The following EYS variants were observed in gnomAD, a reference collection of about 807,000 sequenced individuals.
EYS encodes the protein protein eyes shut homolog.
EYS carries 250 observed loss-of-function variants against 282.1 expected under a neutral mutation model. That is an observed-to-expected ratio of 0.89 (90% CI 0.80 to 0.98). The LOEUF (loss-of-function observed/expected upper bound fraction) is 0.98. Ranked by LOEUF, EYS falls within the 50% of genes least tolerant of loss-of-function variation. The pLI is 0.00. For synonymous variants in EYS, 1,355 were observed against 1,282.9 expected, an observed-to-expected ratio of 1.06 and a Z score of -1.20; for missense variants, 4,016 against 3,709.0, an observed-to-expected ratio of 1.08 and a Z score of -2.15.
intron 12 of EYS, among the ~76,000 whole-genome samples, chr6:65,177,019 C>A (rs747189345): frequency 7.9e-5 from 12 of 151,556 alleles, no homozygotes; most frequent in Non-Finnish European, 1.6e-4. Context: ...TAAGTGTTTT[C>A]CAAATCATTA....
intron 35 of EYS, among the ~76,000 whole-genome samples, chr6:63,972,602 A>G (rs1035817440): frequency 6.6e-6 from 1 of 152,176 alleles, no homozygotes; most frequent in Non-Finnish European, 1.5e-5. Context: ...CAGGTTTGTT[A>G]CATAGGTATA....
chr6:64,327,803 T>A (rs1770487006), intron 29 of EYS, among the ~76,000 whole-genome samples: 1 of 152,090 alleles, frequency 6.6e-6, no homozygotes, highest in Non-Finnish European at 1.5e-5. Context: ...TATGCACCAA[T>A]TTATCCATCC....
rs1219893676 is a variant in EYS at position 63,720,543 on chromosome 6, T to G, written c.*53A>C. 3.1e-6 allele frequency: 4 copies of G among 1,297,728 alleles called. No individual in the cohort carries two copies. Among genetic ancestry groups the G allele is most frequent in the African/African-American group, 3.0e-5 (2 of 66,470 alleles). 80.4% of individuals were successfully genotyped at this position (1,297,728 alleles called of 1,614,324 possible). A position where few individuals can be genotyped will look rare whatever the true frequency, so the allele number is the denominator to read the frequency against. ...GTAAGCAATGTATCAAAGAAATAAC[T>G]ATCAAAATAACTGCATTTATGTATA... is the stretch of plus-strand genomic sequence containing the variant. On this transcript the variant is annotated 3_prime_UTR_variant, in exon 43 of 43. Coordinates refer to ENST00000503581, the MANE Select transcript of EYS (RefSeq NM_001142800.2).
intron 22 of EYS, among the ~76,000 whole-genome samples, chr6:64,651,608 G>A (rs148871384): frequency 0.014 from 2,159 of 152,274 alleles, 44 homozygotes; most frequent in African/African-American, 0.05. Flanking sequence ...GCTTGAACCC[G>A]GGAGGCAGAG....
intron 35 of EYS, among the ~76,000 whole-genome samples, chr6:63,880,960 T>C (rs1216938809): frequency 6.6e-6 from 1 of 152,170 alleles, no homozygotes; most frequent in African/African-American, 2.4e-5. Flanking sequence ...TTCCATAACC[T>C]TATGGATGGT....
chr6:65,253,652 G>A (rs1767383529), intron 12 of EYS, among the ~76,000 whole-genome samples: 1 of 151,702 alleles, frequency 6.6e-6, no homozygotes, highest in Non-Finnish European at 1.5e-5. Flanking sequence ...TACTCTAAAA[G>A]CAATTTGCAT....
At chr6:65,071,346 T>C (rs528364589) in intron 12 of EYS, among the ~76,000 whole-genome samples, 1 of 151,918 alleles carries the variant, frequency 6.6e-6, no homozygotes, top group African/African-American at 2.4e-5. Flanking sequence ...AAAATTTGTT[T>C]GGAATATGCA....
intron 22 of EYS, among the ~76,000 whole-genome samples, chr6:64,715,584 A>G (rs1010125480): frequency 2.0e-5 from 3 of 152,164 alleles, no homozygotes; most frequent in Admixed American, 6.5e-5. Context: ...ATTCCTTCCA[A>G]GTTTGGGGGT....
chr6:65,570,265 G>GA (rs1171200988), intron 2 of EYS, among the ~76,000 whole-genome samples: 3 of 152,116 alleles, frequency 2.0e-5, no homozygotes, highest in Non-Finnish European at 4.4e-5. Context: ...TGCAAAGAAA[G>GA]AAGAGCCTAG....
At chr6:64,288,526 T>C (rs915876199) in intron 30 of EYS, among the ~76,000 whole-genome samples, 1 of 152,128 alleles carries the variant, frequency 6.6e-6, no homozygotes, top group African/African-American at 2.4e-5. Flanking sequence ...GAGGAAGTCA[T>C]TTATACGGCC....
At chr6:63,926,359 A>C (rs893708911) in intron 35 of EYS, among the ~76,000 whole-genome samples, 1 of 152,174 alleles carries the variant, frequency 6.6e-6, no homozygotes, top group Non-Finnish European at 1.5e-5. Context: ...AAGGGCCCTT[A>C]GCATTGTTAT....
chr6:64,859,425 G>A (rs963848271), intron 19 of EYS, among the ~76,000 whole-genome samples: 2 of 147,888 alleles, frequency 1.4e-5, no homozygotes, highest in African/African-American at 5.0e-5. Flanking sequence ...ACTCATGAAG[G>A]AATTGAATAA....
At chr6:64,933,605 C>T (rs768405923) in intron 15 of EYS, among the ~76,000 whole-genome samples, 1 of 152,046 alleles carries the variant, frequency 6.6e-6, no homozygotes, top group African/African-American at 2.4e-5. Context: ...ACTAAAAATA[C>T]CATTTGAGCC....
intron 31 of EYS, among the ~76,000 whole-genome samples, chr6:64,196,454 T>C (rs1039805078): frequency 1.4e-3 from 218 of 152,236 alleles, no homozygotes; most frequent in African/African-American, 4.8e-3. Flanking sequence ...CGTATGTTTA[T>C]TGTGGCACTA....
At chr6:63,935,547 A>G (rs1329123996) in intron 35 of EYS, among the ~76,000 whole-genome samples, 1 of 152,160 alleles carries the variant, frequency 6.6e-6, no homozygotes, top group East Asian at 1.9e-4. Flanking sequence ...GAAAAGGAGG[A>G]AGAGGAAATT....
At chr6:64,504,067 T>C (rs919878174) in intron 26 of EYS, among the ~76,000 whole-genome samples, 1 of 152,180 alleles carries the variant, frequency 6.6e-6, no homozygotes, top group African/African-American at 2.4e-5. Flanking sequence ...CAACTAAACC[T>C]ATTTTCTTCA....
At chr6:64,013,785 A>G (rs1418370061) in intron 33 of EYS, among the ~76,000 whole-genome samples, 3 of 152,138 alleles carry the variant, frequency 2.0e-5, no homozygotes, top group African/African-American at 7.2e-5. Flanking sequence ...GAAAAGCTCA[A>G]CTTCACTGTT....
At chr6:65,443,227 T>C (rs115137832) in intron 5 of EYS, among the ~76,000 whole-genome samples, 31 of 151,940 alleles carry the variant, frequency 2.0e-4, no homozygotes, top group African/African-American at 6.5e-4. Context: ...TATACACATG[T>C]ATGTGAACAT....
intron 22 of EYS, among the ~76,000 whole-genome samples, chr6:64,627,267 A>C (rs1767639864): frequency 6.6e-6 from 1 of 152,202 alleles, no homozygotes; most frequent in Non-Finnish European, 1.5e-5. Flanking sequence ...TTATATGATA[A>C]ATGCTATAAT....
Sources: gnomAD v4.1 joint callset for allele counts (sites outside exome capture counted in the v4.1 genomes callset) on GRCh38, gnomAD v4.1.1 for gene constraint, MANE v1.5 for transcripts, NCBI Gene and HGNC (gene_info 2026-07-23, HGNC 2026-07-21) for gene names.